Variants in STAU1 observed in about 807,000 individuals in gnomAD.
The protein encoded by STAU1 is double-stranded RNA-binding protein Staufen homolog 1.
Under a neutral mutation model 62.9 loss-of-function variants are expected in STAU1, and 13 were observed. The ratio of observed to expected loss-of-function variants is 0.21; its 90% CI spans 0.13 to 0.33. STAU1 has a LOEUF of 0.33. Among genes scored for constraint, STAU1 ranks in the 10% least tolerant of loss-of-function variants. The pLI, the probability that STAU1 is intolerant of heterozygous loss-of-function variation, is 1.00. For missense variants in STAU1, 571 were observed against 712.1 expected, an observed-to-expected ratio of 0.80 and a Z score of 2.25; for synonymous variants, 269 against 265.1, an observed-to-expected ratio of 1.01 and a Z score of -0.14.
chr20:49,204,658 T>A, the STAU1 span, among the ~76,000 whole-genome samples: 97 of 101,606 alleles, frequency 9.5e-4, 2 homozygotes, highest in African/African-American at 1.9e-3. Flanking sequence ...TTTTTTTTTT[T>A]TTTTTTTTTT....
the STAU1 span, among the ~76,000 whole-genome samples, chr20:49,207,911 C>T: frequency 3.2e-4 from 49 of 152,120 alleles, no homozygotes; most frequent in Middle Eastern, 0.01. Context: ...GATGGAGTCT[C>T]GCTCTGTCAC....
intron 3 of STAU1, chr20:49,158,418 AAGGGGT>A: frequency 7.7e-7 from 1 of 1,304,348 alleles, no homozygotes; most frequent in South Asian, 1.2e-5. Context: ...TTGGTGCCTT[AAGGGGT>A]GAGGCAACTT....
At chr20:49,204,615 TA>T in the STAU1 span, among the ~76,000 whole-genome samples, 2 of 44,498 alleles carry the variant, frequency 4.5e-5, no homozygotes, top group African/African-American at 1.1e-4. Flanking sequence ...TATATATATA[TA>T]TATATATGTG....
intron 6 of STAU1, among the ~76,000 whole-genome samples, chr20:49,127,603 G>A (rs2092657922): frequency 1.3e-5 from 2 of 152,076 alleles, no homozygotes; most frequent in Admixed American, 6.6e-5. Flanking sequence ...TTACTTAAGA[G>A]GCTAACACAG....
intron 12 of STAU1, 124 bp from the exon 13 acceptor site, chr20:49,115,991 G>T: frequency 3.0e-6 from 2 of 656,142 alleles, no homozygotes; most frequent in African/African-American, 1.8e-5. Flanking sequence ...CTTCAACTCT[G>T]GTACTACTAA....
In STAU1 at chr20:49,123,122, G is replaced by A; in HGVS notation, c.936C>T (p.Gly312=). 6.2e-7 allele frequency: 1 copy of A among 1,612,702 alleles called. No individual in the cohort carries two copies. ...EPEYTLLTER[G]LPRRREFVMQ... Reference sequence around the variant, plus strand: ...TCACAAACTCCCTGCGGCGCGGGAGGCCTCGCTCTGTGAGGAGCGTGTACT... The same window carrying A: ...TCACAAACTCCCTGCGGCGCGGGAGACCTCGCTCTGTGAGGAGCGTGTACT... The change falls in exon 8 of 14, where the codon GGC becomes GGT. Residue 312 remains glycine (G), a synonymous_variant. Coordinates refer to ENST00000371856, the MANE Select transcript of STAU1 (RefSeq NM_017453.4).
intron 6 of STAU1, among the ~76,000 whole-genome samples, chr20:49,130,815 C>T (rs569441032): frequency 3.3e-5 from 5 of 152,042 alleles, no homozygotes; most frequent in African/African-American, 1.2e-4. Flanking sequence ...AGGTGCATGC[C>T]TAATCCTAGC....
chr20:49,156,569 T>C (rs1350133017), intron 3 of STAU1, among the ~76,000 whole-genome samples: 1 of 152,228 alleles, frequency 6.6e-6, no homozygotes, highest in Non-Finnish European at 1.5e-5. Context: ...GGAAATTTTG[T>C]TCCCTCCAAA....
At chr20:49,180,965 C>T (rs1342427607) in intron 1 of STAU1, among the ~76,000 whole-genome samples, 1 of 152,136 alleles carries the variant, frequency 6.6e-6, no homozygotes, top group Non-Finnish European at 1.5e-5. Flanking sequence ...AGAGACAAAG[C>T]ATGGTTCAGT....
intron 1 of STAU1, among the ~76,000 whole-genome samples, chr20:49,184,319 C>A (rs2093761765): frequency 6.6e-6 from 1 of 151,904 alleles, no homozygotes; most frequent in Non-Finnish European, 1.5e-5. Context: ...TATTCCAGTT[C>A]AGGGTTGGGG....
At chr20:49,205,525 C>G in the STAU1 span, among the ~76,000 whole-genome samples, 6 of 151,874 alleles carry the variant, frequency 4.0e-5, 1 homozygote, top group African/African-American at 1.5e-4. Flanking sequence ...ACCTCCATGC[C>G]CAGCTAATTT....
chr20:49,134,909 C>T, intron 6 of STAU1: 1 of 1,592,176 alleles, frequency 6.3e-7, no homozygotes, highest in Non-Finnish European at 8.6e-7. Flanking sequence ...TGGACTGAGA[C>T]TTTGTGAGGA....
chr20:49,124,858 C>T lies in STAU1; in HGVS notation c.610-271G>A, dbSNP rs554760856. On this transcript the variant is annotated intron_variant, in intron 6 of 13. Transcript: ENST00000371856. Reference sequence around the variant, plus strand: ...CCCATGCCCCTGGCTCACAGGCTGTCCTGAGTTTAGTGTGGTCCACTGCAA... The same window carrying T: ...CCCATGCCCCTGGCTCACAGGCTGTTCTGAGTTTAGTGTGGTCCACTGCAA... Among the ~76,000 whole-genome samples the T allele has an allele frequency of 3.3e-4, 50 of 152,140 alleles. No individual in the cohort carries two copies. The South Asian group carries it at 8.1e-3, about 25-fold the overall frequency.
At chr20:49,124,991 C>T (rs1046081906) in intron 6 of STAU1, among the ~76,000 whole-genome samples, 1 of 144,944 alleles carries the variant, frequency 6.9e-6, no homozygotes, top group African/African-American at 2.5e-5. Flanking sequence ...CTACTAAATA[C>T]TGGTTGCTAT....
intron 6 of STAU1, among the ~76,000 whole-genome samples, chr20:49,131,798 A>T (rs1391167224): frequency 6.6e-6 from 1 of 151,366 alleles, no homozygotes; most frequent in Non-Finnish European, 1.5e-5. Flanking sequence ...AGCCGAGATC[A>T]TGCCACTGTT....
chr20:49,131,781 T>G (rs559255616), intron 6 of STAU1, among the ~76,000 whole-genome samples: 49 of 150,644 alleles, frequency 3.3e-4, no homozygotes, highest in African/African-American at 1.1e-3. Flanking sequence ...AGGCAGAGGT[T>G]GCAGTGAGCC....
chr20:49,175,152 CT>C (rs1340846859), intron 1 of STAU1, among the ~76,000 whole-genome samples: 1 of 151,048 alleles, frequency 6.6e-6, no homozygotes, highest in Non-Finnish European at 1.5e-5. Context: ...GAGACTCCGT[CT>C]CAAAGAAAAT....
intron 6 of STAU1, among the ~76,000 whole-genome samples, 194 bp downstream of exon 6, chr20:49,135,639 G>A (rs2092863008): frequency 6.6e-6 from 1 of 152,136 alleles, no homozygotes; most frequent in Non-Finnish European, 1.5e-5. Flanking sequence ...ACACATCCAT[G>A]AATGCCCCTT....
chr20:49,206,722 TATATA>T, the STAU1 span, among the ~76,000 whole-genome samples: 5 of 10,516 alleles, frequency 4.8e-4, no homozygotes, highest in African/African-American at 1.4e-3. Flanking sequence ...TGAAATTTTA[TATATA>T]TATATATATA....
Sources: allele counts gnomAD v4.1 joint callset (sites outside exome capture counted in the v4.1 genomes callset), GRCh38; gene constraint gnomAD v4.1.1; transcripts MANE v1.5; gene names NCBI Gene and HGNC (gene_info 2026-07-23, HGNC 2026-07-21).